Variants in SDE2 observed in about 807,000 individuals in gnomAD.
SDE2 encodes the protein splicing regulator SDE2.
SDE2 carries 31 observed loss-of-function variants against 46.9 expected under a neutral mutation model. The ratio of observed to expected loss-of-function variants is 0.66; its 90% CI spans 0.50 to 0.89. The LOEUF (loss-of-function observed/expected upper bound fraction) is 0.89, where lower values mean the gene tolerates loss of function less well. Ranked by LOEUF, SDE2 falls within the 40% of genes least tolerant of loss-of-function variation. SDE2 has a pLI of 0.00. For missense variants in SDE2, 542 were observed against 564.4 expected, an observed-to-expected ratio of 0.96 and a Z score of 0.40; for synonymous variants, 205 against 204.3, an observed-to-expected ratio of 1.00 and a Z score of -0.03.
In SDE2 at chr1:225,999,301, G is replaced by A. The variant is rs1341849100; in HGVS notation, c.12C>T (p.Ala4=). Residue 4 remains alanine (A), a synonymous_variant, in exon 1 of 7, where the codon GCC becomes GCT. Coordinates refer to ENST00000272091, the MANE Select transcript of SDE2 (RefSeq NM_152608.4). ...GGCCGCGAATCCACACCAGCGCCGCGGCCTCCGCCATGTCACCGACTACCC... is the reference window on the plus strand; with the variant it reads ...GGCCGCGAATCCACACCAGCGCCGCAGCCTCCGCCATGTCACCGACTACCC... MAE[A]AALVWIRGPG... 2.5e-6 allele frequency: 4 copies of A among 1,611,156 alleles called. No individual in the cohort carries two copies. Among genetic ancestry groups the A allele is most frequent in the Admixed American group, 1.7e-5 (1 of 59,716 alleles).
In SDE2 at chr1:225,983,021, C is replaced by T. The variant is rs1656188644; in HGVS notation, c.*2281G>A. ...GCTAAAGAGCCAATAAATTAAAATACAATTATAAAATAATCTTATCTAAAC... is the reference window on the plus strand; with the variant it reads ...GCTAAAGAGCCAATAAATTAAAATATAATTATAAAATAATCTTATCTAAAC... On this transcript the variant is annotated 3_prime_UTR_variant, in exon 7 of 7. Transcript: ENST00000272091. The T allele has an allele frequency of 2.0e-5, 3 of 152,002 alleles. No individual in the cohort carries two copies. The allele number at this position is 152,002 out of a possible 1,614,324, so 9.4% of individuals were successfully genotyped here. A position where few individuals can be genotyped will look rare whatever the true frequency, so the allele number is the denominator to read the frequency against.
Position 225,992,663 on chromosome 1 carries a change from T to C in SDE2, c.351-96A>G, listed in dbSNP as rs572994214. ...TCTGACGAATTAATGCACTTGTTCA[T>C]ACTGTGATATTCTCTTAGAAAGGTG... On this transcript the variant is annotated intron_variant, in intron 3 of 6. Transcript: ENST00000272091. The C allele has an allele frequency of 4.8e-6, 4 of 824,794 alleles. No individual in the cohort carries two copies. The East Asian group carries it at 1.1e-4, about 22-fold the overall frequency. The allele number at this position is 824,794 out of a possible 1,614,324, so 51.1% of individuals were successfully genotyped here. A position where few individuals can be genotyped will look rare whatever the true frequency, so the allele number is the denominator to read the frequency against.
chr1:225,997,526 T>C (rs543422280), intron 1 of SDE2, among the ~76,000 whole-genome samples: 1 of 152,206 alleles, frequency 6.6e-6, no homozygotes, highest in East Asian at 1.9e-4. Flanking sequence ...ACCTCTCAGG[T>C]TCAAATGATT....
chr1:225,986,361 A>G (rs547228280), intron 6 of SDE2, among the ~76,000 whole-genome samples: 25 of 152,046 alleles, frequency 1.6e-4, no homozygotes, highest in Non-Finnish European at 3.2e-4. Flanking sequence ...ACAAAATTAA[A>G]TACTGCTAAT....
At chr1:225,986,269 C>G (rs1458020167) in intron 6 of SDE2, among the ~76,000 whole-genome samples, 1 of 151,468 alleles carries the variant, frequency 6.6e-6, no homozygotes, top group African/African-American at 2.4e-5. Flanking sequence ...TCACTTGAAC[C>G]TGGGAGGTAG....
chr1:225,985,533 A>G lies in SDE2; in HGVS notation c.1135-10T>C. ...TTTCCTTATCAATAACCTGAGGGAA[A>G]AAAATAAGAAAATATTTAAAACAGG... On this transcript the variant is annotated splice_polypyrimidine_tract_variant and intron_variant, in intron 6 of 6. Transcript: ENST00000272091. 6.5e-7 allele frequency: 1 copy of G among 1,530,486 alleles called. No individual in the cohort carries two copies. The highest frequency in any genetic ancestry group is 1.1e-5 in the South Asian group (1 of 88,844). 94.8% of individuals were successfully genotyped at this position (1,530,486 alleles called of 1,614,324 possible). A position where few individuals can be genotyped will look rare whatever the true frequency, so the allele number is the denominator to read the frequency against.
chr1:225,987,359 GCC>G lies in SDE2; in HGVS notation c.1134+535_1134+536del, dbSNP rs1656291225. On this transcript the variant is annotated intron_variant, in intron 6 of 6. Coordinates refer to ENST00000272091, the MANE Select transcript of SDE2 (RefSeq NM_152608.4). ...TGAGCCACCGCACCTGGCTGAAGAT[GCC>G]TTTTTTAAAAGGCTGACTGTGGGTA... Among the ~76,000 whole-genome samples, 10 of 152,220 alleles carry G rather than the reference GCC, an allele frequency of 6.6e-5. No individual in the cohort carries two copies. The South Asian group carries it at 2.1e-3, about 32-fold the overall frequency.
At chr1:225,989,305 A>T (rs945356117) in intron 5 of SDE2, among the ~76,000 whole-genome samples, 2 of 115,274 alleles carry the variant, frequency 1.7e-5, no homozygotes, top group Non-Finnish European at 1.8e-5. Flanking sequence ...AAAAAAAAAA[A>T]AAAATAATAA....
rs756495190 is a variant in SDE2, at chr1:225,988,027, T to A, written c.1003A>T (p.Thr335Ser). The change falls in exon 6 of 7, where the codon ACT becomes TCT. Residue 335 changes from threonine to serine, a missense_variant. This residue lies in a region of SDE2 where 401 missense variants were observed against 437.8 expected (regional missense o/e 0.92). Transcript: ENST00000272091. ...TTATCCTTATTCAGTCCAGCCCCAG[T>A]GGGCTCCTCTTCTATGGGTTCTTTA... ...ESKEPIEEEP[T>S]GAGLNKDKET... 6.2e-7 allele frequency: 1 copy of A among 1,614,218 alleles called. No homozygotes were observed. Among genetic ancestry groups the A allele is most frequent in the Non-Finnish European group, 8.5e-7 (1 of 1,180,014 alleles).
intron 1 of SDE2, among the ~76,000 whole-genome samples, chr1:225,996,655 A>G (rs1293772706): frequency 6.6e-6 from 1 of 152,178 alleles, no homozygotes; most frequent in East Asian, 1.9e-4. Flanking sequence ...AACCTGTCAA[A>G]CTTACTGATT....
rs565977829 is a variant in SDE2 at position 225,982,854 on chromosome 1, G to T, written c.*2448C>A. On this transcript the variant is annotated 3_prime_UTR_variant, in exon 7 of 7. Transcript: ENST00000272091. ...ATGACAACTACAGCATAAAAGACAG[G>T]TATGATAAATGGATGTACATACTTA... 2.0e-5 allele frequency: 3 copies of T among 152,022 alleles called. No homozygotes were observed. Among genetic ancestry groups the T allele is most frequent in the Non-Finnish European group, 4.4e-5 (3 of 68,004 alleles). The allele number at this position is 152,022 out of a possible 1,614,324, so 9.4% of individuals were successfully genotyped here. A position where few individuals can be genotyped will look rare whatever the true frequency, so the allele number is the denominator to read the frequency against.
At chr1:225,996,571 G>A (rs1470933419) in intron 1 of SDE2, among the ~76,000 whole-genome samples, 1 of 152,158 alleles carries the variant, frequency 6.6e-6, no homozygotes, top group Non-Finnish European at 1.5e-5. Flanking sequence ...TTAACCATTT[G>A]TGCATTGTAA....
rs1314318652 is a variant in SDE2 at position 225,984,855 on chromosome 1, C to T, written c.*447G>A. The T allele has an allele frequency of 6.3e-6, 1 of 159,100 alleles. No homozygotes were observed. The highest frequency in any genetic ancestry group is 1.4e-5 in the Non-Finnish European group (1 of 72,536). 9.9% of individuals were successfully genotyped at this position (159,100 alleles called of 1,614,324 possible). A position where few individuals can be genotyped will look rare whatever the true frequency, so the allele number is the denominator to read the frequency against. On this transcript the variant is annotated 3_prime_UTR_variant, in exon 7 of 7. Transcript: ENST00000272091. Reference sequence around the variant, plus strand: ...AAGTCAGATCAGTAAAACTGATAAACCCCTACCCAACCTGATTAGGAAAGT... The same window carrying T: ...AAGTCAGATCAGTAAAACTGATAAATCCCTACCCAACCTGATTAGGAAAGT...
chr1:225,991,022 A>C (rs547461261), intron 5 of SDE2, among the ~76,000 whole-genome samples: 1 of 152,368 alleles, frequency 6.6e-6, no homozygotes, highest in East Asian at 1.9e-4. Flanking sequence ...TTTCAGTGTA[A>C]GGAAAAAATT....
chr1:225,997,955 C>T (rs1243413360), intron 1 of SDE2, among the ~76,000 whole-genome samples: 2 of 151,914 alleles, frequency 1.3e-5, no homozygotes, highest in Non-Finnish European at 1.5e-5. Flanking sequence ...GGTGAAACCC[C>T]GTCTCTACTA....
rs1309674330 is a variant in SDE2 at position 225,988,296 on chromosome 1, C to G, written c.734G>C (p.Gly245Ala). ...SEEAPSTSGM[G>A]FHAPKIGSNG... ...GCTACCAATTTTTGGAGCATGGAAA[C>G]CCATTCCTGAAGTGCTTGGTGCTTC... is the stretch of plus-strand genomic sequence containing the variant. The change falls in exon 6 of 7, where the codon GGT becomes GCT. Residue 245 changes from glycine (G) to alanine (A), a missense_variant. Physicochemically the swap from Gly to Ala is moderately conservative, Grantham distance 60. Coordinates refer to ENST00000272091, the MANE Select transcript of SDE2 (RefSeq NM_152608.4). 1.9e-6 allele frequency: 3 copies of G among 1,614,090 alleles called. No individual in the cohort carries two copies. Among genetic ancestry groups the G allele is most frequent in the Non-Finnish European group, 2.5e-6 (3 of 1,180,050 alleles).
In SDE2 at chr1:225,987,992, T is replaced by C; in HGVS notation, c.1038A>G (p.Glu346=). 6.2e-7 allele frequency: 1 copy of C among 1,614,218 alleles called. No individual in the cohort carries two copies. Among genetic ancestry groups the C allele is most frequent in the Non-Finnish European group, 8.5e-7 (1 of 1,180,022 alleles). Residue 346 remains glutamate, a synonymous_variant, in exon 6 of 7, where the codon GAA becomes GAG. Transcript: ENST00000272091. ...GAGLNKDKET[E]ERTDGERVAE... The stretch of plus-strand genomic sequence containing the variant: ...CAACTCTTTCCCCATCAGTCCTTTC[T>C]TCTGTCTCTTTATCCTTATTCAGTC...
At chr1:225,997,650 C>G (rs1656558576) in intron 1 of SDE2, among the ~76,000 whole-genome samples, 1 of 152,070 alleles carries the variant, frequency 6.6e-6, no homozygotes, top group Admixed American at 6.6e-5. Flanking sequence ...AAGCTGGTCT[C>G]GAACTTCTGA....
In SDE2 at chr1:225,988,224, G is replaced by A. The variant is rs916159843; in HGVS notation, c.806C>T (p.Ala269Val). Residue 269 changes from alanine (A) to valine (V), a missense_variant, in exon 6 of 7, where the codon GCG becomes GTG. Transcript: ENST00000272091. ...AAKFPSGSQR[A>V]RVVNTDHGSP... is the part of the protein sequence containing the mutation. Reference sequence around the variant, plus strand: ...TCCATGGTCTGTATTCACTACTCTCGCCCTCTGAGAACCACTGGGAAATTT... The same window carrying A: ...TCCATGGTCTGTATTCACTACTCTCACCCTCTGAGAACCACTGGGAAATTT... The A allele has an allele frequency of 1.2e-5, 20 of 1,613,870 alleles. No individual in the cohort carries two copies. The highest frequency in any genetic ancestry group is 2.7e-5 in the African/African-American group (2 of 74,888).
Sources: allele counts gnomAD v4.1 joint callset (sites outside exome capture counted in the v4.1 genomes callset), GRCh38; gene constraint gnomAD v4.1.1; regional missense constraint gnomAD v4.1.1; transcripts MANE v1.5; gene names NCBI Gene and HGNC (gene_info 2026-07-23, HGNC 2026-07-21).